The following EFHC2 variants were observed in gnomAD, a reference collection of about 807,000 sequenced individuals.
The protein encoded by EFHC2 is EF-hand domain-containing family member C2.
EFHC2 carries 18 observed loss-of-function variants against 52.7 expected under a neutral mutation model. The observed-to-expected ratio is 0.34, with a 90% CI of 0.24 to 0.51. The LOEUF is 0.51. EFHC2 is among the 20% of genes least tolerant of loss of function. EFHC2 has a pLI of 0.97. For missense variants in EFHC2, 513 were observed against 562.5 expected, an observed-to-expected ratio of 0.91 and a Z score of 0.89; for synonymous variants, 203 against 204.1, an observed-to-expected ratio of 0.99 and a Z score of 0.04.
At chrX:44,170,173 T>C (rs557241493) in intron 13 of EFHC2, among the ~76,000 whole-genome samples, 8 of 111,532 alleles carry the variant, frequency 7.2e-5, no homozygotes, top group East Asian at 5.7e-4. Flanking sequence ...TTCCAGGTAG[T>C]AAACATGTAA....
At chrX:44,296,181 C>T (rs1398068750) in intron 2 of EFHC2, among the ~76,000 whole-genome samples, 1 of 111,025 alleles carries the variant, frequency 9.0e-6, no homozygotes, top group Non-Finnish European at 1.9e-5. Flanking sequence ...GTGGAGTGAG[C>T]AAAGACAAAT....
At chrX:44,329,572 C>T (rs7060630) in intron 1 of EFHC2, among the ~76,000 whole-genome samples, 3,449 of 108,824 alleles carry the variant, frequency 0.032, 143 homozygotes, top group African/African-American at 0.11. Context: ...AAATCTCACA[C>T]CTTAAATAAA....
intron 1 of EFHC2, among the ~76,000 whole-genome samples, chrX:44,318,663 G>A (rs996851281): frequency 6.3e-5 from 7 of 111,904 alleles, no homozygotes; most frequent in South Asian, 3.7e-4. Context: ...CCAGCCCTTC[G>A]TCGTGTACAT....
intron 3 of EFHC2, among the ~76,000 whole-genome samples, chrX:44,271,244 G>A (rs184927625): frequency 6.7e-4 from 75 of 111,452 alleles, no homozygotes; most frequent in Admixed American, 4.4e-3. Flanking sequence ...ATTGTAGGAG[G>A]AGCAAGAATG....
chrX:44,254,478 A>G (rs1211607177), intron 4 of EFHC2, among the ~76,000 whole-genome samples: 1 of 112,409 alleles, frequency 8.9e-6, no homozygotes, highest in Non-Finnish European at 1.9e-5. Context: ...TGAAGCATAC[A>G]CAAGTATCAA....
At position 44,328,362 on chromosome X, in the gene EFHC2, G is replaced by A. The variant is rs1042559165; in HGVS notation, c.42+15185C>T. On this transcript the variant is annotated intron_variant, in intron 1 of 14. Coordinates refer to ENST00000420999, the MANE Select transcript of EFHC2 (RefSeq NM_025184.4). ...GCTGCAGCAGCCATCTTGGGATAATGGGCAAGATTGCAGAAATGCTGGCTG... is the reference window on the plus strand; with the variant it reads ...GCTGCAGCAGCCATCTTGGGATAATAGGCAAGATTGCAGAAATGCTGGCTG... Among the ~76,000 whole-genome samples, 9 of 111,697 alleles carry A rather than the reference G, an allele frequency of 8.1e-5. No homozygotes were observed. The South Asian group carries it at 1.1e-3, about 14-fold the overall frequency.
intron 1 of EFHC2, among the ~76,000 whole-genome samples, chrX:44,320,029 G>A (rs1392260411): frequency 1.8e-5 from 2 of 111,346 alleles, no homozygotes; most frequent in Non-Finnish European, 3.8e-5. Flanking sequence ...TGCAACCTCT[G>A]CCTCCTGGGT....
chrX:44,229,313 G>A (rs12014680), intron 11 of EFHC2, among the ~76,000 whole-genome samples: 14,711 of 110,962 alleles, frequency 0.13, 822 homozygotes, highest in Admixed American at 0.26. Flanking sequence ...TAGGGAGGAC[G>A]TGCTCTTAGC....
chrX:44,261,618 A>G (rs1344237903), intron 3 of EFHC2, among the ~76,000 whole-genome samples: 3 of 109,095 alleles, frequency 2.7e-5, no homozygotes, highest in Admixed American at 9.9e-5. Context: ...GACGAAAAAT[A>G]CCAGACGCTG....
intron 1 of EFHC2, among the ~76,000 whole-genome samples, chrX:44,330,723 C>A (rs2038081951): frequency 9.0e-6 from 1 of 111,556 alleles, no homozygotes; most frequent in Non-Finnish European, 1.9e-5. Flanking sequence ...AGAAATGAGC[C>A]AAAGACATAA....
chrX:44,212,073 G>T (rs988627617), intron 11 of EFHC2, among the ~76,000 whole-genome samples: 9 of 109,003 alleles, frequency 8.3e-5, no homozygotes, highest in African/African-American at 3.0e-4. Flanking sequence ...GAATGCTGGA[G>T]GCTCAATGTG....
At position 44,148,885 on chromosome X, in the gene EFHC2, A is replaced by G. The variant is rs370842574; in HGVS notation, c.2160T>C (p.Asp720=). The G allele has an allele frequency of 1.4e-4, 170 of 1,174,682 alleles. No homozygotes were observed. Among genetic ancestry groups the G allele is most frequent in the Non-Finnish European group, 2.2e-5 (19 of 876,131 alleles). The change falls in exon 15 of 15, where the codon GAT becomes GAC. Residue 720 remains aspartate (D), a synonymous_variant. Coordinates refer to ENST00000420999, the MANE Select transcript of EFHC2 (RefSeq NM_025184.4). ...PASYLKERCE[D]VWLGMPSPIP... Reference sequence around the variant, plus strand: ...TAGGTGATGGCATACCAAGCCAAACATCTTCACATCTCTAGAAAAAAACCA... The same window carrying G: ...TAGGTGATGGCATACCAAGCCAAACGTCTTCACATCTCTAGAAAAAAACCA...
At chrX:44,303,371 A>G (rs1199346114) in intron 2 of EFHC2, among the ~76,000 whole-genome samples, 3 of 111,090 alleles carry the variant, frequency 2.7e-5, no homozygotes, top group African/African-American at 9.8e-5. Context: ...TTCTCTCCCA[A>G]TTATAGGTAT....
intron 11 of EFHC2, among the ~76,000 whole-genome samples, chrX:44,194,077 T>G (rs1370985987): frequency 2.7e-5 from 3 of 111,658 alleles, no homozygotes; most frequent in African/African-American, 9.8e-5. Context: ...CAGGGTAGAC[T>G]TTTGGGCTTG....
At chrX:44,218,584 G>A (rs2037169303) in intron 11 of EFHC2, among the ~76,000 whole-genome samples, 1 of 112,168 alleles carries the variant, frequency 8.9e-6, no homozygotes, top group Admixed American at 9.5e-5. Context: ...AATTTAATTT[G>A]AGATAAGTCA....
chrX:44,157,208 C>T (rs1026646306), intron 14 of EFHC2, among the ~76,000 whole-genome samples: 2 of 112,179 alleles, frequency 1.8e-5, no homozygotes, highest in South Asian at 7.5e-4. Context: ...GCTGAGGCCA[C>T]CTAACTAGCA....
chrX:44,320,486 G>A (rs185148408), intron 1 of EFHC2, among the ~76,000 whole-genome samples: 76 of 111,587 alleles, frequency 6.8e-4, no homozygotes, highest in African/African-American at 2.4e-3. Flanking sequence ...ATAAAGCCAT[G>A]CAACTAAGCA....
chrX:44,207,792 T>TCAA (rs747217052), intron 11 of EFHC2, among the ~76,000 whole-genome samples: 18 of 110,307 alleles, frequency 1.6e-4, no homozygotes, highest in Admixed American at 3.9e-4. Context: ...TAAACTTAAA[T>TCAA]CAACAACAAC....
chrX:44,308,646 G>A (rs753065010), intron 2 of EFHC2, among the ~76,000 whole-genome samples: 2 of 111,635 alleles, frequency 1.8e-5, no homozygotes, highest in African/African-American at 3.2e-5. Flanking sequence ...TACCCAAGCC[G>A]CAGGATAAAA....
Sources: allele counts gnomAD v4.1 joint callset (sites outside exome capture counted in the v4.1 genomes callset), GRCh38; gene constraint gnomAD v4.1.1; transcripts MANE v1.5; gene names NCBI Gene and HGNC (gene_info 2026-07-23, HGNC 2026-07-21).